The following PLXNA4 variants were observed in gnomAD, a reference collection of about 807,000 sequenced individuals.
PLXNA4 encodes plexin A4, also known as plexin-A4.
Under a neutral mutation model 191.8 loss-of-function variants are expected in PLXNA4, and 44 were observed. That is an observed-to-expected ratio of 0.23 (90% CI 0.18 to 0.29). PLXNA4 has a LOEUF of 0.29. Among genes scored for constraint, PLXNA4 ranks in the 10% least tolerant of loss-of-function variants. PLXNA4 has a pLI of 1.00. For missense variants in PLXNA4, 1,800 were observed against 2,488.8 expected (o/e 0.72, Z 5.89); for synonymous variants, 1,082 against 1,009.5 (o/e 1.07, Z -1.36).
At position 132,309,385 on chromosome 7, in the gene PLXNA4, G is replaced by A. The variant is rs1017494590; in HGVS notation, c.1372-11163C>T. ...GAGCCAGTCTTCAAAAGCAGAGTCA[G>A]TGGCTCTGCATGGTGTCAGGCACAG... On this transcript the variant is annotated intron_variant, in intron 3 of 31. Transcript: ENST00000321063. Among the ~76,000 whole-genome samples the A allele has an allele frequency of 2.0e-5, 3 of 152,120 alleles. No homozygotes were observed. In the South Asian group the frequency reaches 6.2e-4, roughly 31 times the overall value.
intron 10 of PLXNA4, among the ~76,000 whole-genome samples, chr7:132,206,739 G>A (rs888381123): frequency 6.6e-6 from 1 of 152,114 alleles, no homozygotes; most frequent in Non-Finnish European, 1.5e-5. Flanking sequence ...CATGGCAGAT[G>A]GAGCCTCTCT....
intron 3 of PLXNA4, among the ~76,000 whole-genome samples, chr7:132,447,119 CCTAA>C (rs201865207): frequency 0.037 from 5,601 of 152,262 alleles, 142 homozygotes; most frequent in Non-Finnish European, 0.051. Flanking sequence ...CGCTCCACTG[CCTAA>C]CTGACATTTC....
intron 3 of PLXNA4, among the ~76,000 whole-genome samples, chr7:132,431,940 G>A (rs1404215821): frequency 6.6e-6 from 1 of 152,184 alleles, no homozygotes; most frequent in Non-Finnish European, 1.5e-5. Flanking sequence ...ATGCCTGCCT[G>A]AGACCTTGGT....
At chr7:132,382,987 A>T (rs1804959747) in intron 3 of PLXNA4, among the ~76,000 whole-genome samples, 1 of 152,186 alleles carries the variant, frequency 6.6e-6, no homozygotes, top group South Asian at 2.1e-4. Context: ...ACAAGTTCTT[A>T]TGGGCAACGA....
At chr7:132,321,474 C>G (rs901621887) in intron 3 of PLXNA4, among the ~76,000 whole-genome samples, 2 of 152,026 alleles carry the variant, frequency 1.3e-5, no homozygotes, top group African/African-American at 4.8e-5. Flanking sequence ...TTCCCTGACC[C>G]AGGGAATGAG....
chr7:132,412,400 G>C (rs920568657), intron 3 of PLXNA4, among the ~76,000 whole-genome samples: 4 of 152,234 alleles, frequency 2.6e-5, no homozygotes, highest in Admixed American at 2.0e-4. Context: ...TCATGGAGCC[G>C]ATCACCTTGC....
chr7:132,296,732 T>A (rs1024740583), intron 4 of PLXNA4, among the ~76,000 whole-genome samples: 1 of 152,104 alleles, frequency 6.6e-6, no homozygotes, highest in Non-Finnish European at 1.5e-5. Flanking sequence ...TCCCCTCAGC[T>A]CCTAGGGCCT....
rs1046832886 is a variant in PLXNA4, at chr7:132,125,785, G to A, written c.*4694C>T. ...CAGGGCACGGAGCTGCCTGGGGTAG[G>A]TCTTCTCTGGGGGTCAGGTGAGCTC... On this transcript the variant is annotated 3_prime_UTR_variant, in exon 32 of 32. Transcript: ENST00000321063. The A allele has an allele frequency of 3.3e-5, 5 of 152,206 alleles. No individual in the cohort carries two copies. Among genetic ancestry groups the A allele is most frequent in the Admixed American group, 6.6e-5 (1 of 15,266 alleles). The allele number at this position is 152,206 out of a possible 1,614,324, so 9.4% of individuals were successfully genotyped here. A position where few individuals can be genotyped will look rare whatever the true frequency, so the allele number is the denominator to read the frequency against.
intron 7 of PLXNA4, 41 bp downstream of exon 7, chr7:132,227,410 G>T: frequency 6.2e-7 from 1 of 1,613,046 alleles, no homozygotes; most frequent in East Asian, 2.2e-5. Flanking sequence ...ATCTAGCCAG[G>T]AGGAAGAAGT....
intron 3 of PLXNA4, among the ~76,000 whole-genome samples, chr7:132,464,615 G>T (rs1311238894): frequency 6.6e-6 from 1 of 152,212 alleles, no homozygotes; most frequent in African/African-American, 2.4e-5. Context: ...ATGTGAAAGG[G>T]CTTTGCAAAA....
chr7:132,530,077 A>G, intron 1 of PLXNA4, among the ~76,000 whole-genome samples: 1 of 152,128 alleles, frequency 6.6e-6, no homozygotes, highest in Non-Finnish European at 1.5e-5. Flanking sequence ...GTATCTTTTC[A>G]TCATGCTTCT....
intron 3 of PLXNA4, among the ~76,000 whole-genome samples, chr7:132,487,002 A>G (rs746014549): frequency 6.6e-6 from 1 of 152,184 alleles, no homozygotes; most frequent in African/African-American, 2.4e-5. Context: ...CAGTCACCAA[A>G]TGCCTCAACC....
chr7:132,412,794 T>G (rs1794512293), intron 3 of PLXNA4, among the ~76,000 whole-genome samples: 1 of 152,156 alleles, frequency 6.6e-6, no homozygotes, highest in Non-Finnish European at 1.5e-5. Flanking sequence ...GAGAGCTCAC[T>G]GCTTGCTGTG....
intron 4 of PLXNA4, among the ~76,000 whole-genome samples, chr7:132,287,111 T>C (rs183176193): frequency 6.6e-6 from 1 of 152,304 alleles, no homozygotes; most frequent in Admixed American, 6.5e-5. Context: ...CTCGGCTCAC[T>C]GCAACCTCTG....
At chr7:132,141,832 C>T (rs181826132) in intron 29 of PLXNA4, among the ~76,000 whole-genome samples, 43 of 152,252 alleles carry the variant, frequency 2.8e-4, no homozygotes, top group South Asian at 4.2e-4. Flanking sequence ...TGGGTTCAAG[C>T]GATTCTTCTG....
At chr7:132,438,794 C>T (rs905500937) in intron 3 of PLXNA4, among the ~76,000 whole-genome samples, 31 of 151,172 alleles carry the variant, frequency 2.1e-4, no homozygotes, top group African/African-American at 6.8e-4. Flanking sequence ...GGTCTAATAG[C>T]TTTTTTTTTC....
intron 1 of PLXNA4, among the ~76,000 whole-genome samples, chr7:132,516,356 A>T (rs1032775051): frequency 3.3e-5 from 5 of 152,154 alleles, no homozygotes; most frequent in African/African-American, 1.2e-4. Context: ...ATTTACATGG[A>T]GACCAACCGG....
At chr7:132,384,974 G>T in intron 3 of PLXNA4, 1 of 1,361,682 alleles carries the variant, frequency 7.3e-7, no homozygotes, top group Non-Finnish European at 9.5e-7. Flanking sequence ...CCCATGGGAC[G>T]CTTGGGGCAG....
intron 29 of PLXNA4, among the ~76,000 whole-genome samples, chr7:132,144,476 G>C (rs1795361484): frequency 6.6e-6 from 1 of 152,224 alleles, no homozygotes; most frequent in Admixed American, 6.5e-5. Flanking sequence ...CTCAAAGGAA[G>C]ACATAGTGGT....
Sources: gnomAD v4.1 joint callset for allele counts (sites outside exome capture counted in the v4.1 genomes callset) on GRCh38, gnomAD v4.1.1 for gene constraint, MANE v1.5 for transcripts, NCBI Gene and HGNC (gene_info 2026-07-23, HGNC 2026-07-21) for gene names.